The following SGK1 variants were observed in gnomAD, a reference collection of about 807,000 sequenced individuals.
SGK1 encodes serine/threonine-protein kinase Sgk1.
Under a neutral mutation model 64.2 loss-of-function variants are expected in SGK1, and 26 were observed. That is an observed-to-expected ratio of 0.40 (90% CI 0.30 to 0.56). SGK1 has a LOEUF of 0.56. Ranked by LOEUF, SGK1 falls within the 20% of genes least tolerant of loss-of-function variation. The pLI, the probability that SGK1 is intolerant of heterozygous loss-of-function variation, is 0.38. For synonymous variants in SGK1, 265 were observed against 239.7 expected (o/e 1.11, Z -0.98); for missense variants, 519 against 645.6 (o/e 0.80, Z 2.12).
chr6:134,191,835 A>ACTTTTTTTTTTT (rs1775516429), intron 3 of SGK1, among the ~76,000 whole-genome samples: 1 of 61,204 alleles, frequency 1.6e-5, no homozygotes, highest in Non-Finnish European at 2.9e-5. Context: ...CGCCCGGCTG[A>ACTTTTTTTTTTT]TTTTTTTTTT....
chr6:134,270,894 G>A (rs891027705), intron 1 of SGK1, among the ~76,000 whole-genome samples: 38 of 147,750 alleles, frequency 2.6e-4, no homozygotes, highest in African/African-American at 9.2e-4. Context: ...TCCCCATTGA[G>A]GAATCCACCC....
chr6:134,206,383 ATTTTTTTTTTT>A (rs869072819), intron 3 of SGK1, among the ~76,000 whole-genome samples: 6 of 16,622 alleles, frequency 3.6e-4, no homozygotes, highest in African/African-American at 1.1e-3. Context: ...ATATATATAT[ATTTTTTTTTTT>A]TTTTTTTTTT....
At chr6:134,185,459 G>C (rs889414439) in intron 3 of SGK1, among the ~76,000 whole-genome samples, 1 of 152,042 alleles carries the variant, frequency 6.6e-6, no homozygotes, top group Admixed American at 6.6e-5. Flanking sequence ...ATGGCCATCA[G>C]GTTGTCAGAA....
chr6:134,207,993 C>A (rs1775821570), intron 2 of SGK1, among the ~76,000 whole-genome samples: 1 of 152,168 alleles, frequency 6.6e-6, no homozygotes, highest in Non-Finnish European at 1.5e-5. Context: ...CTCACTGCAA[C>A]TTCTGCCTCC....
At chr6:134,175,298 C>T (rs1775195568) in intron 3 of SGK1, among the ~76,000 whole-genome samples, 1 of 152,126 alleles carries the variant, frequency 6.6e-6, no homozygotes, top group Non-Finnish European at 1.5e-5. Flanking sequence ...GATACCCTCT[C>T]CCCGGCCAGG....
At chr6:134,269,198 C>T (rs1194878181) in intron 1 of SGK1, among the ~76,000 whole-genome samples, 1 of 147,578 alleles carries the variant, frequency 6.8e-6, no homozygotes, top group Middle Eastern at 3.4e-3. Context: ...CATTGGCCCC[C>T]GTCCTTTTAG....
intron 1 of SGK1, among the ~76,000 whole-genome samples, chr6:134,265,994 T>C (rs1276699869): frequency 1.3e-5 from 2 of 151,724 alleles, no homozygotes; most frequent in Non-Finnish European, 2.9e-5. Flanking sequence ...CATTTATTTA[T>C]ATTTATTAAG....
intron 2 of SGK1, among the ~76,000 whole-genome samples, chr6:134,229,591 G>A (rs1044416784): frequency 2.0e-5 from 3 of 152,174 alleles, no homozygotes; most frequent in Admixed American, 6.5e-5. Context: ...ATCAATTTTT[G>A]AGGGGAAAGG....
At chr6:134,313,330 C>T (rs6932948) in intron 1 of SGK1, among the ~76,000 whole-genome samples, 3 of 152,044 alleles carry the variant, frequency 2.0e-5, no homozygotes, top group Non-Finnish European at 4.4e-5. Flanking sequence ...CATAGTGAGA[C>T]CTTGTCTCTG....
intron 1 of SGK1, among the ~76,000 whole-genome samples, chr6:134,292,304 C>T (rs1211034952): frequency 6.6e-6 from 1 of 152,098 alleles, no homozygotes; most frequent in African/African-American, 2.4e-5. Context: ...TGAAATGAAG[C>T]CCAGGGGGCC....
At position 134,286,529 on chromosome 6, in the gene SGK1, C is replaced by T. The variant is rs574615508; in HGVS notation, c.70-24381G>A. Reference sequence around the variant, plus strand: ...CGGAGTCTCGCTGAGTGCAGTGGCGCGATCTCGGCTCACTGCAAGCTCCGC... The same window carrying T: ...CGGAGTCTCGCTGAGTGCAGTGGCGTGATCTCGGCTCACTGCAAGCTCCGC... On this transcript the variant is annotated intron_variant, in intron 1 of 13. Transcript: ENST00000367858. Among the ~76,000 whole-genome samples the T allele has an allele frequency of 9.2e-4, 136 of 147,688 alleles. 1 individual carries two copies. Among genetic ancestry groups the T allele is most frequent in the African/African-American group, 3.3e-3 (131 of 39,792 alleles).
chr6:134,215,939 C>T (rs1017456376), intron 2 of SGK1, among the ~76,000 whole-genome samples: 7 of 152,144 alleles, frequency 4.6e-5, no homozygotes, highest in Non-Finnish European at 7.4e-5. Flanking sequence ...TCGCTTGAAC[C>T]CAGGAGGCGG....
chr6:134,175,480 C>T (rs1410763316), intron 3 of SGK1: 4 of 1,347,722 alleles, frequency 3.0e-6, no homozygotes, highest in East Asian at 3.1e-5. Flanking sequence ...AAAGCCGGCC[C>T]CTGCCTCCAA....
At chr6:134,273,326 T>A (rs545774585) in intron 1 of SGK1, among the ~76,000 whole-genome samples, 1 of 146,828 alleles carries the variant, frequency 6.8e-6, no homozygotes, top group Non-Finnish European at 1.5e-5. Flanking sequence ...TTAAGTTGAA[T>A]CTTAAAAGCT....
intron 9 of SGK1, 115 bp downstream of exon 9, chr6:134,172,547 G>T: frequency 1.2e-6 from 1 of 828,804 alleles, no homozygotes; most frequent in Non-Finnish European, 1.9e-6. Context: ...TAGGGGATCT[G>T]GTTTTAGGCA....
At chr6:134,173,198 G>T in intron 7 of SGK1, 44 bp from the exon 8 acceptor site, 1 of 1,609,704 alleles carries the variant, frequency 6.2e-7, no homozygotes, top group Non-Finnish European at 8.5e-7. Context: ...TTTCAACTTG[G>T]CACCAACATT....
At chr6:134,313,733 C>T (rs956218049) in intron 1 of SGK1, among the ~76,000 whole-genome samples, 1 of 152,072 alleles carries the variant, frequency 6.6e-6, no homozygotes, top group East Asian at 1.9e-4. Flanking sequence ...GATAGCCTTT[C>T]GAATTTTACA....
intron 11 of SGK1, 171 bp from the exon 12 acceptor site, chr6:134,171,349 T>G (rs1775018266): frequency 4.6e-6 from 3 of 647,382 alleles, no homozygotes; most frequent in Non-Finnish European, 5.3e-6. Context: ...TTGCAACCCG[T>G]GTGTGTGTTT....
At chr6:134,288,660 G>A (rs748432282) in intron 1 of SGK1, among the ~76,000 whole-genome samples, 9 of 152,086 alleles carry the variant, frequency 5.9e-5, no homozygotes, top group Non-Finnish European at 1.0e-4. Flanking sequence ...GAAGCCAGCA[G>A]AAACAAAACA....
Sources: gnomAD v4.1 joint callset for allele counts (sites outside exome capture counted in the v4.1 genomes callset) on GRCh38, gnomAD v4.1.1 for gene constraint, MANE v1.5 for transcripts, NCBI Gene and HGNC (gene_info 2026-07-23, HGNC 2026-07-21) for gene names.